The following CCNH variants were observed in gnomAD, a reference collection of about 807,000 sequenced individuals.
CCNH encodes the protein cyclin H.
A neutral mutation model predicts 41.9 loss-of-function variants in CCNH; 31 were observed. That is an observed-to-expected ratio of 0.74 (90% confidence interval 0.56 to 1.00). The LOEUF (loss-of-function observed/expected upper bound fraction) is 1.00, where lower values mean the gene tolerates loss of function less well. CCNH is among the 50% of genes least tolerant of loss of function. CCNH has a pLI of 0.00. For synonymous variants in CCNH, 138 were observed against 136.1 expected, an observed-to-expected ratio of 1.01 and a Z score of -0.10; for missense variants, 362 against 388.4, an observed-to-expected ratio of 0.93 and a Z score of 0.57.
chr5:87,396,924 T>TGAGG (rs1215561461), intron 7 of CCNH, among the ~76,000 whole-genome samples: 1 of 152,100 alleles, frequency 6.6e-6, no homozygotes, highest in Non-Finnish European at 1.5e-5. Flanking sequence ...AAGTAACTTC[T>TGAGG]GAGGTCATGA....
upstream of CCNH, among the ~76,000 whole-genome samples, chr5:87,379,048 AT>A (rs945766638): frequency 1.1e-4 from 16 of 152,202 alleles, no homozygotes; most frequent in Admixed American, 4.6e-4. Context: ...ATATTCTCTC[AT>A]TTTAATGGTA....
chr5:87,335,523 T>A lies in CCNH; in HGVS notation c.*91-16626A>T, dbSNP rs953581792. 2.0e-5 allele frequency among the ~76,000 whole-genome samples: 3 copies of A among 149,364 alleles called. No homozygotes were observed. The Admixed American group carries it at 2.0e-4, about 10-fold the overall frequency. ...TCACTGCAACCTCCGCCACCTGGGTTCAAGCGATTCTCCTGCCTCAGCCTC... is the reference window on the plus strand; with the variant it reads ...TCACTGCAACCTCCGCCACCTGGGTACAAGCGATTCTCCTGCCTCAGCCTC... On this transcript the variant is annotated intron_variant and NMD_transcript_variant, in intron 9 of 9. Transcript: ENST00000645953.
chr5:87,367,263 A>G (rs1029631160), intron 9 of CCNH, among the ~76,000 whole-genome samples: 1 of 152,224 alleles, frequency 6.6e-6, no homozygotes, highest in Admixed American at 6.5e-5. Flanking sequence ...GTATTACCAT[A>G]GGATGCAAAT....
downstream of CCNH, among the ~76,000 whole-genome samples, chr5:87,390,524 G>A (rs1019225002): frequency 6.6e-6 from 1 of 151,634 alleles, no homozygotes; most frequent in Non-Finnish European, 1.5e-5. Flanking sequence ...AACTGCTTCT[G>A]ACAACATGTG....
At chr5:87,385,208 C>T (rs768970048) in intron 9 of CCNH, 61 of 836,424 alleles carry the variant, frequency 7.3e-5, no homozygotes, top group Non-Finnish European at 1.2e-4. Flanking sequence ...AGTAGTTTAA[C>T]AGTAAAGAAA....
In CCNH at chr5:87,362,768, G is replaced by C. The variant is rs1760212241; in HGVS notation, c.*90+30002C>G. 2.1e-6 allele frequency: 3 copies of C among 1,399,250 alleles called. No individual in the cohort carries two copies. In the Admixed American group the frequency reaches 5.3e-5, roughly 25 times the overall value. 86.7% of individuals were successfully genotyped at this position (1,399,250 alleles called of 1,614,324 possible). A position where few individuals can be genotyped will look rare whatever the true frequency, so the allele number is the denominator to read the frequency against. On this transcript the variant is annotated intron_variant and NMD_transcript_variant, in intron 9 of 9. Coordinates refer to the CCNH transcript ENST00000645953. ...ATATATATTTAATAAGTTTTGACATGAGTTATTAGTAATTGACACTTGTTT... is the reference window on the plus strand; with the variant it reads ...ATATATATTTAATAAGTTTTGACATCAGTTATTAGTAATTGACACTTGTTT...
chr5:87,351,237 C>T (rs1166784884), intron 9 of CCNH, among the ~76,000 whole-genome samples: 2 of 150,454 alleles, frequency 1.3e-5, no homozygotes, highest in Admixed American at 1.3e-4. Flanking sequence ...AGCCATTTAT[C>T]GACTTATCTA....
rs546245549 is a variant in CCNH at position 87,408,679 on chromosome 5, C to T, written c.315-493G>A. ...TAAGGGACAAACTTGTGAAATTCAC[C>T]TGGCCACTTCATGCTGTTCAGTATG... On this transcript the variant is annotated intron_variant, in intron 3 of 8. Transcript: ENST00000256897. 1.2e-4 allele frequency among the ~76,000 whole-genome samples: 19 copies of T among 152,246 alleles called. No individual in the cohort carries two copies. In the South Asian group the frequency reaches 3.7e-3, roughly 30 times the overall value.
intron 9 of CCNH, among the ~76,000 whole-genome samples, chr5:87,368,639 G>T (rs781254742): frequency 3.9e-5 from 6 of 152,146 alleles, no homozygotes; most frequent in Non-Finnish European, 5.9e-5. Context: ...CCCTTCAGGG[G>T]TCTCAATGGA....
chr5:87,408,065 A>T lies in CCNH; in HGVS notation c.436T>A (p.Tyr146Asn), dbSNP rs1353471497. 2 of 1,613,594 alleles carry T rather than the reference A, an allele frequency of 1.2e-6. No homozygotes were observed. Among genetic ancestry groups the T allele is most frequent in the South Asian group, 2.2e-5 (2 of 91,068 alleles). The change falls in exon 4 of 9, where the codon TAT becomes AAT. Residue 146 changes from tyrosine to asparagine, a missense_variant. Coordinates refer to ENST00000256897, the MANE Select transcript of CCNH (RefSeq NM_001239.4). ...AGTTGCTGTATAAGAAGTAGTTCAT[A>T]TTCCAGTATCTGTTCAAGTGCCTTC... ...QEKALEQILEYELLLIQQLNF... is the reference protein window; with the variant it reads ...QEKALEQILENELLLIQQLNF...
At chr5:87,395,199 A>C in intron 7 of CCNH, 95 bp from the exon 8 acceptor site, 1 of 1,000,728 alleles carries the variant, frequency 1.0e-6, no homozygotes. Flanking sequence ...AATATCATGT[A>C]TCTACTGAAC....
At chr5:87,319,941 A>G (rs149662461) in intron 9 of CCNH, among the ~76,000 whole-genome samples, 73 of 152,326 alleles carry the variant, frequency 4.8e-4, no homozygotes, top group African/African-American at 1.4e-3. Context: ...ATATGAGCAT[A>G]TACTTTTAGA....
In CCNH at chr5:87,376,827, G is replaced by A. The variant is rs998417610; in HGVS notation, n.354C>T. 27 of 1,504,950 alleles carry A rather than the reference G, an allele frequency of 1.8e-5. No homozygotes were observed. In the East Asian group the frequency reaches 5.0e-4, roughly 28 times the overall value. 93.2% of individuals were successfully genotyped at this position (1,504,950 alleles called of 1,614,324 possible). A position where few individuals can be genotyped will look rare whatever the true frequency, so the allele number is the denominator to read the frequency against. On this transcript the variant is annotated non_coding_transcript_exon_variant, in exon 1 of 1. Coordinates refer to the CCNH transcript ENST00000607486. ...GAACATATTTCTTGTTAGTCTCATG[G>A]AGCATGCTTATAATGCTACGTACTT...
rs566386933 is a variant in CCNH, at chr5:87,355,889, G to A, written c.*90+36881C>T. Among the ~76,000 whole-genome samples, 3 of 152,308 alleles carry A rather than the reference G, an allele frequency of 2.0e-5. No individual in the cohort carries two copies. The East Asian group carries it at 5.8e-4, about 29-fold the overall frequency. On this transcript the variant is annotated intron_variant and NMD_transcript_variant, in intron 9 of 9. Transcript: ENST00000645953. The stretch of plus-strand genomic sequence containing the variant: ...ACTACAAGATGACTTTGAGGAGGAG[G>A]TAGCTGCAGATGTGGTACAAGTAGC...
At position 87,353,886 on chromosome 5, in the gene CCNH, A is replaced by C. The variant is rs567856779; in HGVS notation, c.*91-34989T>G. 2.2e-4 allele frequency among the ~76,000 whole-genome samples: 33 copies of C among 152,230 alleles called. No individual in the cohort carries two copies. The South Asian group carries it at 6.6e-3, about 31-fold the overall frequency. On this transcript the variant is annotated intron_variant and NMD_transcript_variant, in intron 9 of 9. Transcript: ENST00000645953. ...TTAGCTTCTGTTTCTTCCTCATTGC[A>C]CTTTCTGAAGTATATGGTAGGGAAA... is the stretch of plus-strand genomic sequence containing the variant.
intron 9 of CCNH, among the ~76,000 whole-genome samples, chr5:87,364,626 T>C (rs1760368006): frequency 6.6e-6 from 1 of 152,106 alleles, no homozygotes; most frequent in Non-Finnish European, 1.5e-5. Context: ...AACCTGAGAA[T>C]CTTAACCTTC....
At chr5:87,378,520 A>G, upstream of CCNH, 1 of 1,611,066 alleles carries the variant, frequency 6.2e-7, no homozygotes. Context: ...AGATAATGGA[A>G]AGCAAGCAGT....
chr5:87,354,661 A>G (rs80156652), intron 9 of CCNH, among the ~76,000 whole-genome samples: 4,841 of 152,232 alleles, frequency 0.032, 160 homozygotes, highest in African/African-American at 0.074. Context: ...GAAAAGTCAC[A>G]TGTCTCTCAC....
chr5:87,389,597 G>A, downstream of CCNH: 1 of 1,566,236 alleles, frequency 6.4e-7, no homozygotes, highest in Non-Finnish European at 8.8e-7. Context: ...ATAAATAGCT[G>A]AATTCTGGTT....
Sources: allele counts gnomAD v4.1 joint callset (sites outside exome capture counted in the v4.1 genomes callset), GRCh38; gene constraint gnomAD v4.1.1; transcripts MANE v1.5; gene names NCBI Gene and HGNC (gene_info 2026-07-23, HGNC 2026-07-21).